KLF7: variants seen among roughly 807,000 people sequenced by gnomAD.
KLF7 encodes the protein KLF transcription factor 7, also known as Krueppel-like factor 7.
In KLF7, 2 loss-of-function variants were observed where a neutral mutation model predicts 27.3. The observed-to-expected ratio is 0.07, with a 90% CI of 0.03 to 0.23. KLF7 has a LOEUF of 0.23. KLF7 is among the 10% of genes least tolerant of loss of function. KLF7 has a pLI of 1.00. For synonymous variants in KLF7, 165 were observed against 162.4 expected, an observed-to-expected ratio of 1.02 and a Z score of -0.12; for missense variants, 221 against 394.1, an observed-to-expected ratio of 0.56 and a Z score of 3.72.
rs150515096 is a variant in KLF7, at chr2:207,099,551, G to GAGATATATATATATATATATATATATAT, written c.734-10971_734-10970insATATATATATATATATATATATATATCT. 8.7e-5 allele frequency among the ~76,000 whole-genome samples: 5 copies of GAGATATATATATATATATATATATATAT among 57,574 alleles called. 1 individual carries two copies. The allele number at this position is 57,574 out of a possible 152,430, so 37.8% of individuals were successfully genotyped here. On this transcript the variant is annotated intron_variant, in intron 2 of 3. Coordinates refer to ENST00000309446, the MANE Select transcript of KLF7 (RefSeq NM_003709.4). The stretch of plus-strand genomic sequence containing the variant: ...AAAGTTAACTTTCTGCTACATATGC[G>GAGATATATATATATATATATATATATAT]ATATATATATATATATATATATGAA...
chr2:207,096,738 T>A (rs1392787909), intron 2 of KLF7, among the ~76,000 whole-genome samples: 1 of 152,184 alleles, frequency 6.6e-6, no homozygotes, highest in Non-Finnish European at 1.5e-5. Flanking sequence ...GGGGCCACAT[T>A]TGACTTGTTC....
At chr2:207,121,928 A>G (rs907390121) in intron 2 of KLF7, 1 of 152,194 alleles carries the variant, frequency 6.6e-6, no homozygotes, top group Non-Finnish European at 1.5e-5. Context: ...CTTAGTGCCA[A>G]TAATTCAGAA....
chr2:207,144,159 CGG>C (rs57867270), intron 1 of KLF7, among the ~76,000 whole-genome samples: 16 of 92,864 alleles, frequency 1.7e-4, no homozygotes, highest in Non-Finnish European at 1.7e-4. Context: ...GTCGTCACAG[CGG>C]GGGGGAGAAA....
chr2:207,133,319 C>T (rs62188622), intron 1 of KLF7, among the ~76,000 whole-genome samples: 1,647 of 152,288 alleles, frequency 0.011, 14 homozygotes, highest in Non-Finnish European at 0.018. Context: ...AATAATCCTA[C>T]CCATACTACT....
At chr2:207,144,158 GC>G (rs1386474556) in intron 1 of KLF7, among the ~76,000 whole-genome samples, 1 of 65,736 alleles carries the variant, frequency 1.5e-5, no homozygotes, top group African/African-American at 7.1e-5. Context: ...AGTCGTCACA[GC>G]GGGGGGGAGA....
At chr2:207,166,886 C>G (rs959256849), upstream of KLF7, 1 of 1,075,120 alleles carries the variant, frequency 9.3e-7, no homozygotes, top group Non-Finnish European at 1.1e-6. Context: ...CGGAGCGAGA[C>G]CGCGGCCTGC....
At chr2:207,095,299 C>T (rs891733973) in intron 2 of KLF7, among the ~76,000 whole-genome samples, 3 of 152,068 alleles carry the variant, frequency 2.0e-5, no homozygotes, top group Non-Finnish European at 4.4e-5. Context: ...CCGCCCGCCT[C>T]GGCCTCCCAA....
At chr2:207,136,137 C>T (rs1284097700) in intron 1 of KLF7, among the ~76,000 whole-genome samples, 3 of 152,142 alleles carry the variant, frequency 2.0e-5, no homozygotes, top group Admixed American at 1.3e-4. Flanking sequence ...CTTCCCTTTC[C>T]AGCAAACTAC....
intron 2 of KLF7, among the ~76,000 whole-genome samples, chr2:207,111,057 T>C (rs2077022942): frequency 6.6e-6 from 1 of 152,066 alleles, no homozygotes; most frequent in Non-Finnish European, 1.5e-5. Context: ...ACCCCACATA[T>C]GACCATGAAA....
intron 1 of KLF7, among the ~76,000 whole-genome samples, chr2:207,150,433 T>C (rs890681164): frequency 3.3e-5 from 5 of 152,024 alleles, no homozygotes; most frequent in Admixed American, 3.3e-4. Context: ...CTCGGAAAAC[T>C]GAATAGAAAT....
chr2:207,117,517 A>T (rs1344950061), intron 2 of KLF7, among the ~76,000 whole-genome samples: 3 of 152,180 alleles, frequency 2.0e-5, no homozygotes, highest in Non-Finnish European at 4.4e-5. Context: ...CTGCCTCAAC[A>T]CATGGATAAA....
intron 2 of KLF7, among the ~76,000 whole-genome samples, chr2:207,107,364 C>A (rs1290012101): frequency 6.6e-6 from 1 of 152,162 alleles, no homozygotes; most frequent in Admixed American, 6.5e-5. Flanking sequence ...AGTTCCCCCA[C>A]CCCAATCTTT....
chr2:207,106,703 G>T (rs1258360799), intron 2 of KLF7, among the ~76,000 whole-genome samples: 1 of 152,178 alleles, frequency 6.6e-6, no homozygotes, highest in Non-Finnish European at 1.5e-5. Context: ...CTTCTGAAGA[G>T]CTCCCAGAAG....
At chr2:207,102,717 A>G (rs1248896944) in intron 2 of KLF7, among the ~76,000 whole-genome samples, 1 of 152,204 alleles carries the variant, frequency 6.6e-6, no homozygotes, top group Non-Finnish European at 1.5e-5. Flanking sequence ...AGAATTATTA[A>G]GACTAAAAGC....
chr2:207,146,078 C>T (rs1476768230), intron 1 of KLF7, among the ~76,000 whole-genome samples: 2 of 152,170 alleles, frequency 1.3e-5, no homozygotes, highest in African/African-American at 4.8e-5. Context: ...CCAGCAAGGG[C>T]CAGTCAACTG....
upstream of KLF7, among the ~76,000 whole-genome samples, chr2:207,168,305 T>G (rs945288703): frequency 6.6e-6 from 1 of 152,252 alleles, no homozygotes; most frequent in African/African-American, 2.4e-5. Flanking sequence ...TCCCATTTAT[T>G]AAGCACTTCG....
chr2:207,172,415 G>A, the KLF7 span, among the ~76,000 whole-genome samples: 1 of 152,064 alleles, frequency 6.6e-6, no homozygotes, highest in African/African-American at 2.4e-5. Context: ...GGGTCTTTGT[G>A]TCTTCATTTT....
At chr2:207,101,983 C>G (rs1387348193) in intron 2 of KLF7, among the ~76,000 whole-genome samples, 1 of 152,088 alleles carries the variant, frequency 6.6e-6, no homozygotes, top group Non-Finnish European at 1.5e-5. Flanking sequence ...AATGAACATA[C>G]CCATATACTA....
At position 207,165,828 on chromosome 2, in the gene KLF7, G is replaced by A. The variant is rs1260807735; in HGVS notation, c.-260C>T. On this transcript the variant is annotated 5_prime_UTR_variant, in exon 1 of 4. Transcript: ENST00000309446. ...ACAGTGCAGACGACTGCCAGGAAAA[G>A]GGGACTTCTCCACGGGAGTAACAAT... 11 of 1,325,982 alleles carry A rather than the reference G, an allele frequency of 8.3e-6. No homozygotes were observed. The highest frequency in any genetic ancestry group is 3.1e-5 in the Admixed American group (1 of 32,532). The allele number at this position is 1,325,982 out of a possible 1,614,324, so 82.1% of individuals were successfully genotyped here.
Sources: gnomAD v4.1 joint callset for allele counts (sites outside exome capture counted in the v4.1 genomes callset) on GRCh38, gnomAD v4.1.1 for gene constraint, MANE v1.5 for transcripts, NCBI Gene and HGNC (gene_info 2026-07-23, HGNC 2026-07-21) for gene names.